The following ADAP1 variants were observed in gnomAD, a reference collection of about 807,000 sequenced individuals.
The protein encoded by ADAP1 is ArfGAP with dual PH domains 1.
Under a neutral mutation model 54.9 loss-of-function variants are expected in ADAP1, and 31 were observed. The ratio of observed to expected loss-of-function variants is 0.56; its 90% CI spans 0.42 to 0.76. The LOEUF is 0.76. Ranked by LOEUF, ADAP1 falls within the 30% of genes least tolerant of loss-of-function variation. ADAP1 has a pLI of 0.00. For synonymous variants in ADAP1, 313 were observed against 202.6 expected (o/e 1.55, Z -4.63); for missense variants, 535 against 512.4 (o/e 1.04, Z -0.42).
chr7:948,328 A>T (rs960008225), intron 1 of ADAP1, among the ~76,000 whole-genome samples: 3 of 151,820 alleles, frequency 2.0e-5, no homozygotes, highest in African/African-American at 7.3e-5. Flanking sequence ...GTACCCACCG[A>T]GGCCTGAGCT....
rs773216122 is a variant in ADAP1, at chr7:920,279, G to A, written c.306-229C>T. On this transcript the variant is annotated intron_variant, in intron 3 of 10. Coordinates refer to ENST00000265846, the MANE Select transcript of ADAP1 (RefSeq NM_006869.4). This position sits in a 1 kb window ranked among gnomAD's most constrained non-coding sequence, Gnocchi z 4.5. ...TTGGTTTCTTGTGCGTTCGGCCCCC[G>A]GAGCATCAGGCCTCACGTTCTGCAC... 1.9e-4 allele frequency among the ~76,000 whole-genome samples: 29 copies of A among 152,036 alleles called. No homozygotes were observed. Among genetic ancestry groups the A allele is most frequent in the African/African-American group, 5.8e-4 (24 of 41,380 alleles).
chr7:915,436 G>A (rs1056352947), intron 4 of ADAP1, among the ~76,000 whole-genome samples: 6 of 152,236 alleles, frequency 3.9e-5, no homozygotes, highest in African/African-American at 1.4e-4. Context: ...GCCCCGCCGG[G>A]CCTGGTATGA....
At chr7:904,924 T>A (rs1360395805) in intron 5 of ADAP1, 136 bp downstream of exon 5, 2 of 750,328 alleles carry the variant, frequency 2.7e-6, no homozygotes, top group Non-Finnish European at 4.5e-6. Flanking sequence ...ACAGGCCGGT[T>A]CTCCTGGAGC....
At chr7:907,400 G>A (rs560042964) in intron 4 of ADAP1, among the ~76,000 whole-genome samples, 2 of 152,252 alleles carry the variant, frequency 1.3e-5, no homozygotes, top group South Asian at 4.1e-4. Context: ...CCAGGGAGAG[G>A]CCAGAGGACC....
chr7:935,615 G>A (rs1231290273), intron 1 of ADAP1, 110 bp from the exon 2 acceptor site: 1 of 1,386,360 alleles, frequency 7.2e-7, no homozygotes, highest in African/African-American at 1.5e-5. Context: ...GGGGGCTTCA[G>A]CGGAGACCCC....
At chr7:930,553 T>G (rs899373879) in intron 2 of ADAP1, among the ~76,000 whole-genome samples, 4 of 151,298 alleles carry the variant, frequency 2.6e-5, no homozygotes, top group Non-Finnish European at 2.9e-5. Flanking sequence ...GCGCGGTGGC[T>G]CACGTCTGTA....
intron 2 of ADAP1, among the ~76,000 whole-genome samples, chr7:932,740 C>T (rs1446891576): frequency 1.3e-5 from 2 of 152,270 alleles, no homozygotes; most frequent in African/African-American, 2.4e-5. Flanking sequence ...TATCACATCC[C>T]AGTGTCCCCC....
chr7:899,603 C>T lies in ADAP1; in HGVS notation c.796-113G>A, dbSNP rs189747341. 492 of 1,242,056 alleles carry T rather than the reference C, an allele frequency of 4.0e-4. 4 individuals are homozygous for T. In the East Asian group the frequency reaches 0.012, roughly 30 times the overall value. 76.9% of individuals were successfully genotyped at this position (1,242,056 alleles called of 1,614,324 possible). A position where few individuals can be genotyped will look rare whatever the true frequency, so the allele number is the denominator to read the frequency against. ...CCAGACTGGCCCGGGTCAGTCACCT[C>T]CATTCACTCACGCCTGCCGCTGGCC... On this transcript the variant is annotated intron_variant, in intron 8 of 10. Coordinates refer to ENST00000265846, the MANE Select transcript of ADAP1 (RefSeq NM_006869.4).
intron 4 of ADAP1, among the ~76,000 whole-genome samples, chr7:906,783 ACG>A (rs1448348701): frequency 0.017 from 132 of 7,996 alleles, 5 homozygotes; most frequent in Middle Eastern, 0.083. Flanking sequence ...GACAGGGGAC[ACG>A]GGGGACGGGA....
intron 2 of ADAP1, among the ~76,000 whole-genome samples, chr7:934,918 TGCCCTACACGGCAGCGG>T (rs982165320): frequency 3.9e-5 from 6 of 152,100 alleles, no homozygotes; most frequent in Non-Finnish European, 8.8e-5. Flanking sequence ...CAGGTAATGG[TGCCCTACACGGCAGCGG>T]GCCGGGGTGC....
At chr7:924,936 A>AG (rs998369743) in intron 3 of ADAP1, among the ~76,000 whole-genome samples, 4 of 152,044 alleles carry the variant, frequency 2.6e-5, no homozygotes, top group Admixed American at 2.6e-4. Flanking sequence ...GTGAGGGCTC[A>AG]GGGGGAGACA....
chr7:954,730 C>G (rs1226089637), upstream of ADAP1: 4 of 980,292 alleles, frequency 4.1e-6, no homozygotes, highest in Non-Finnish European at 4.8e-6. Context: ...GCAAGGCCCG[C>G]GGGCGGCCCC....
At chr7:918,800 C>A (rs61296767) in intron 4 of ADAP1, among the ~76,000 whole-genome samples, 2 of 152,164 alleles carry the variant, frequency 1.3e-5, no homozygotes, top group Admixed American at 6.5e-5. Flanking sequence ...ACTCAAGGCC[C>A]ACAGTACCCG....
Position 905,132 on chromosome 7 carries a change from G to A in ADAP1, c.429C>T (p.Asn143=), listed in dbSNP as rs147429037. The A allele has an allele frequency of 1.0e-4, 161 of 1,612,370 alleles. No individual in the cohort carries two copies. Among genetic ancestry groups the A allele is most frequent in the African/African-American group, 4.8e-4 (36 of 75,046 alleles). The change falls in exon 5 of 11, where the codon AAC becomes AAT. Residue 143 remains asparagine, a synonymous_variant. Transcript: ENST00000265846. The part of the protein sequence containing the change: ...EGFLWKRGRD[N]GQFLSRKFVL... ...CAAACTTCCGGCTCAAAAACTGCCC[G>A]TTGTCCCGGCCACGCTTCCAGAGAA...
chr7:925,839 C>T (rs1205311088), intron 3 of ADAP1, among the ~76,000 whole-genome samples: 1 of 152,222 alleles, frequency 6.6e-6, no homozygotes, highest in African/African-American at 2.4e-5. Context: ...CGGAGTGAGT[C>T]AACGGAGGGC....
chr7:919,318 G>C lies in ADAP1; in HGVS notation c.388+650C>G, dbSNP rs1266163447. 3.3e-5 allele frequency among the ~76,000 whole-genome samples: 5 copies of C among 152,294 alleles called. No homozygotes were observed. The South Asian group carries it at 1.0e-3, about 32-fold the overall frequency. ...CCCTGCAGGCCACCCCCGAATGGAA[G>C]TGCGTGGCCACCACCAGCAGAGGAG... On this transcript the variant is annotated intron_variant, in intron 4 of 10. Transcript: ENST00000265846.
At chr7:910,876 T>G (rs950007191) in intron 4 of ADAP1, among the ~76,000 whole-genome samples, 1 of 152,148 alleles carries the variant, frequency 6.6e-6, no homozygotes, top group Non-Finnish European at 1.5e-5. Flanking sequence ...GCTTCCGGCC[T>G]TTGGGTCCTA....
intron 1 of ADAP1, among the ~76,000 whole-genome samples, chr7:949,795 C>T (rs1490929603): frequency 2.4e-5 from 3 of 127,448 alleles, no homozygotes; most frequent in Admixed American, 1.4e-4. Flanking sequence ...CCCTCCACAC[C>T]CGGCCACAGG....
Position 899,522 on chromosome 7 carries a change from G to A in ADAP1, c.796-32C>T, listed in dbSNP as rs774190579. 1.9e-6 allele frequency: 3 copies of A among 1,604,892 alleles called. No homozygotes were observed. In the African/African-American group the frequency reaches 4.0e-5, roughly 21 times the overall value. On this transcript the variant is annotated intron_variant, in intron 8 of 10. Transcript: ENST00000265846. ...GTCAGAGAGGGCCCGTGACCGGCAG[G>A]TCGCCGAGGCAGGCCCTACATCCAG...
Sources: gnomAD v4.1 joint callset for allele counts (sites outside exome capture counted in the v4.1 genomes callset) on GRCh38, gnomAD v4.1.1 for gene constraint, Gnocchi (gnomAD v3.1) non-coding constraint, MANE v1.5 for transcripts, NCBI Gene and HGNC (gene_info 2026-07-23, HGNC 2026-07-21) for gene names.